TMEM132D: variants seen among roughly 807,000 people sequenced by gnomAD.
TMEM132D encodes mature OL transmembrane protein.
In TMEM132D, 21 loss-of-function variants were observed where a neutral mutation model predicts 62.3. The ratio of observed to expected loss-of-function variants is 0.34; its 90% CI spans 0.24 to 0.49. TMEM132D has a LOEUF of 0.49. TMEM132D is among the 20% of genes least tolerant of loss of function. The probability of loss-of-function intolerance (pLI) is 0.99; values close to 1 mark genes in which losing one functional copy is unlikely to be tolerated. For missense variants in TMEM132D, 1,346 were observed against 1,402.8 expected, an observed-to-expected ratio of 0.96 and a Z score of 0.65; for synonymous variants, 621 against 575.6, an observed-to-expected ratio of 1.08 and a Z score of -1.13.
chr12:129,638,934 G>A (rs1879570410), intron 2 of TMEM132D, among the ~76,000 whole-genome samples: 1 of 152,060 alleles, frequency 6.6e-6, no homozygotes, highest in Admixed American at 6.6e-5. Flanking sequence ...TGCAAAGTCG[G>A]GAGTTTCAAA....
intron 3 of TMEM132D, among the ~76,000 whole-genome samples, chr12:129,479,504 G>A (rs76049288): frequency 0.012 from 1,844 of 152,032 alleles, 45 homozygotes; most frequent in African/African-American, 0.042. Context: ...GTGAAACTCA[G>A]GACACAGGAG....
At chr12:129,276,498 T>C (rs1460555013) in intron 4 of TMEM132D, among the ~76,000 whole-genome samples, 1 of 152,204 alleles carries the variant, frequency 6.6e-6, no homozygotes, top group Non-Finnish European at 1.5e-5. Context: ...GATTTGCTGT[T>C]TGTGCGGAAT....
rs576806509 is a variant in TMEM132D, at chr12:129,850,834, G to A, written c.79+52427C>T. ...TATTTATGCAATGCCACACACACTGGGGACTTTTCCATGTGAGGACACAAA... is the reference window on the plus strand; with the variant it reads ...TATTTATGCAATGCCACACACACTGAGGACTTTTCCATGTGAGGACACAAA... On this transcript the variant is annotated intron_variant, in intron 1 of 8. Transcript: ENST00000422113. Among the ~76,000 whole-genome samples, 25 of 152,206 alleles carry A rather than the reference G, an allele frequency of 1.6e-4. No homozygotes were observed. The South Asian group carries it at 4.4e-3, about 27-fold the overall frequency.
chr12:129,422,949 T>C (rs906007951), intron 3 of TMEM132D, among the ~76,000 whole-genome samples: 1 of 150,228 alleles, frequency 6.7e-6, no homozygotes, highest in African/African-American at 2.4e-5. Context: ...CAAGGAAAAC[T>C]AGAATCAACG....
intron 1 of TMEM132D, among the ~76,000 whole-genome samples, chr12:129,855,623 G>A (rs12826629): frequency 4.4e-5 from 1 of 22,578 alleles, no homozygotes; most frequent in Non-Finnish European, 7.8e-5. Context: ...CCCTTGTAAC[G>A]GAGTCCGGGG....
At position 129,868,204 on chromosome 12, in the gene TMEM132D, CACATGAGGCAGCGTTTCTATGGT is replaced by C. The variant is rs1269109102; in HGVS notation, c.79+35034_79+35056del. On this transcript the variant is annotated intron_variant, in intron 1 of 8. Coordinates refer to ENST00000422113, the MANE Select transcript of TMEM132D (RefSeq NM_133448.3). ...CACGAGACAGCATTTGTATGGTACA[CACATGAGGCAGCGTTTCTATGGT>C]ACATGAGGCAGCGTTTCTAGGGAAC... is the stretch of plus-strand genomic sequence containing the variant. Among the ~76,000 whole-genome samples, 18 of 151,834 alleles carry C rather than the reference CACATGAGGCAGCGTTTCTATGGT, an allele frequency of 1.2e-4. 1 individual carries two copies. The highest frequency in any genetic ancestry group is 7.8e-4 in the East Asian group (4 of 5,154).
intron 3 of TMEM132D, among the ~76,000 whole-genome samples, chr12:129,450,359 C>G (rs911407900): frequency 1.4e-4 from 22 of 152,274 alleles, no homozygotes; most frequent in South Asian, 4.1e-4. Flanking sequence ...AGTCTTGAAT[C>G]CATCTTGAGT....
chr12:129,169,222 T>C (rs1052929126), intron 5 of TMEM132D, among the ~76,000 whole-genome samples: 4 of 152,030 alleles, frequency 2.6e-5, no homozygotes, highest in Admixed American at 2.6e-4. Context: ...GTGATGCTGA[T>C]GCAGCTGGTC....
chr12:129,717,145 A>G (rs953111110), intron 1 of TMEM132D, among the ~76,000 whole-genome samples: 2 of 152,246 alleles, frequency 1.3e-5, no homozygotes, highest in Non-Finnish European at 2.9e-5. Flanking sequence ...GGCATGCACA[A>G]CCTGAACAAC....
chr12:129,451,451 T>A (rs1156452275), intron 3 of TMEM132D, among the ~76,000 whole-genome samples: 1 of 152,196 alleles, frequency 6.6e-6, no homozygotes, highest in Non-Finnish European at 1.5e-5. Flanking sequence ...TTACAGTGAC[T>A]AGATGCTTTA....
intron 5 of TMEM132D, among the ~76,000 whole-genome samples, chr12:129,093,590 G>A (rs1446592566): frequency 3.3e-5 from 5 of 152,170 alleles, no homozygotes; most frequent in Admixed American, 6.5e-5. Context: ...AATCAATATC[G>A]TGAAAATGGC....
At chr12:129,613,924 C>A (rs1404581458) in intron 2 of TMEM132D, among the ~76,000 whole-genome samples, 1 of 151,608 alleles carries the variant, frequency 6.6e-6, no homozygotes, top group Non-Finnish European at 1.5e-5. Flanking sequence ...ACCCAGAGTA[C>A]TGTCTGCAGA....
intron 5 of TMEM132D, among the ~76,000 whole-genome samples, chr12:129,137,231 A>G (rs1219419756): frequency 6.6e-6 from 1 of 151,980 alleles, no homozygotes; most frequent in Admixed American, 6.6e-5. Context: ...CACCATCACA[A>G]TCATCATTGT....
chr12:129,238,432 C>T (rs1486345405), intron 4 of TMEM132D, among the ~76,000 whole-genome samples: 3 of 152,180 alleles, frequency 2.0e-5, no homozygotes, highest in Admixed American at 6.5e-5. Context: ...ATCTTTAGAA[C>T]TTCATCTTGC....
chr12:129,239,092 T>G (rs1457344428), intron 4 of TMEM132D, among the ~76,000 whole-genome samples: 2 of 151,810 alleles, frequency 1.3e-5, no homozygotes, highest in East Asian at 3.8e-4. Flanking sequence ...TTAAGGATGT[T>G]GACCATCTTT....
At chr12:129,269,563 G>A (rs1880796562) in intron 4 of TMEM132D, among the ~76,000 whole-genome samples, 1 of 152,214 alleles carries the variant, frequency 6.6e-6, no homozygotes, top group Non-Finnish European at 1.5e-5. Context: ...ATGTGTTTGT[G>A]AGATGTGAGG....
chr12:129,871,383 G>C (rs189464205), intron 1 of TMEM132D, among the ~76,000 whole-genome samples: 2 of 152,206 alleles, frequency 1.3e-5, no homozygotes, highest in Admixed American at 1.3e-4. Flanking sequence ...GCAAGCTGTG[G>C]AAAGAGGGTG....
intron 4 of TMEM132D, among the ~76,000 whole-genome samples, chr12:129,224,571 A>C (rs1240717305): frequency 6.6e-6 from 1 of 152,198 alleles, no homozygotes; most frequent in Non-Finnish European, 1.5e-5. Flanking sequence ...TAGTCTATTT[A>C]GAAATAATAT....
chr12:129,268,317 A>T (rs1030810065), intron 4 of TMEM132D, among the ~76,000 whole-genome samples: 4 of 152,172 alleles, frequency 2.6e-5, no homozygotes, highest in African/African-American at 4.8e-5. Context: ...GAATCTACAA[A>T]GAACTCAAAC....
Sources: allele counts gnomAD v4.1 joint callset (sites outside exome capture counted in the v4.1 genomes callset), GRCh38; gene constraint gnomAD v4.1.1; transcripts MANE v1.5; gene names NCBI Gene and HGNC (gene_info 2026-07-23, HGNC 2026-07-21).